The following SPATA18 variants were observed in gnomAD, a reference collection of about 807,000 sequenced individuals.
SPATA18 encodes the protein mitochondria-eating protein.
In SPATA18, 54 loss-of-function variants were observed where a neutral mutation model predicts 68.1. The observed-to-expected ratio is 0.79, with a 90% CI of 0.64 to 0.99. The LOEUF (loss-of-function observed/expected upper bound fraction) is 0.99. SPATA18 is among the 50% of genes least tolerant of loss of function. The pLI is 0.00. For synonymous variants in SPATA18, 242 were observed against 244.8 expected, an observed-to-expected ratio of 0.99 and a Z score of 0.11; for missense variants, 724 against 681.1, an observed-to-expected ratio of 1.06 and a Z score of -0.70.
At position 52,095,394 on chromosome 4, in the gene SPATA18, G is replaced by T. The variant is rs529065628; in HGVS notation, c.*507G>T. 6.4e-6 allele frequency: 1 copy of T among 155,278 alleles called. No individual in the cohort carries two copies. Among genetic ancestry groups the T allele is most frequent in the East Asian group, 1.9e-4 (1 of 5,270 alleles). The allele number at this position is 155,278 out of a possible 1,614,324, so 9.6% of individuals were successfully genotyped here. On this transcript the variant is annotated 3_prime_UTR_variant, in exon 13 of 13. Transcript: ENST00000295213. The stretch of plus-strand genomic sequence containing the variant: ...GACAGCCCTAATCTCAGGTTGGGGA[G>T]CTCATGTTAGTAGCAGTGACTTAAG...
intron 11 of SPATA18, among the ~76,000 whole-genome samples, chr4:52,088,689 T>G (rs61796825): frequency 0.18 from 26,627 of 152,146 alleles, 2,640 homozygotes; most frequent in East Asian, 0.4. Context: ...TTTGCCAGTA[T>G]TTTATTGAGG....
chr4:52,078,581 A>G, intron 7 of SPATA18, 154 bp from the exon 8 acceptor site: 2 of 569,632 alleles, frequency 3.5e-6, no homozygotes, highest in Non-Finnish European at 5.9e-6. Flanking sequence ...TTAGAGATGT[A>G]TTTTCTTCCA....
At chr4:52,057,753 A>G (rs1385899116) in intron 1 of SPATA18, among the ~76,000 whole-genome samples, 1 of 152,224 alleles carries the variant, frequency 6.6e-6, no homozygotes, top group Non-Finnish European at 1.5e-5. Context: ...TTCCTAAGCC[A>G]CTGGCTCCTT....
At chr4:52,054,959 G>A (rs1195859924) in intron 1 of SPATA18, among the ~76,000 whole-genome samples, 5 of 151,410 alleles carry the variant, frequency 3.3e-5, no homozygotes, top group African/African-American at 1.2e-4. Context: ...ATGACCTTAG[G>A]TCTTTATCTT....
At chr4:52,082,252 C>A (rs1740991778) in intron 9 of SPATA18, 135 bp from the exon 10 acceptor site, 1 of 833,148 alleles carries the variant, frequency 1.2e-6, no homozygotes, top group Non-Finnish European at 1.9e-6. Context: ...CACAAAGATT[C>A]TTAAATAACA....
intron 6 of SPATA18, among the ~76,000 whole-genome samples, chr4:52,074,639 CA>C (rs1740163568): frequency 6.6e-6 from 1 of 152,084 alleles, no homozygotes; most frequent in African/African-American, 2.4e-5. Context: ...TAAAAATGGG[CA>C]GTGATTAGAC....
At chr4:52,074,758 C>A (rs1223436734) in intron 6 of SPATA18, among the ~76,000 whole-genome samples, 1 of 152,108 alleles carries the variant, frequency 6.6e-6, no homozygotes, top group African/African-American at 2.4e-5. Context: ...TAAAGAAGTT[C>A]CAATGATATT....
In SPATA18 at chr4:52,072,102, A is replaced by G. The variant is rs1178265062; in HGVS notation, c.704A>G (p.Asn235Ser). The change falls in exon 6 of 13, where the codon AAC becomes AGC. Residue 235 changes from asparagine (N) to serine (S), a missense_variant. Physicochemically the swap from Asn to Ser is conservative, Grantham distance 46 (BLOSUM62 1). Coordinates refer to ENST00000295213, the MANE Select transcript of SPATA18 (RefSeq NM_145263.4). The stretch of plus-strand genomic sequence containing the variant: ...TCCGATTATAAGAAACAGCTCCGAA[A>G]CCTGAAGGAGGAGATAGCTGTTCTG... ...AMSDYKKQLR[N>S]LKEEIAVLSA... 6.2e-7 allele frequency: 1 copy of G among 1,614,060 alleles called. No individual in the cohort carries two copies. The highest frequency in any genetic ancestry group is 1.7e-5 in the Admixed American group (1 of 60,002).
chr4:52,065,957 G>A (rs187435091), intron 4 of SPATA18, among the ~76,000 whole-genome samples: 9 of 152,002 alleles, frequency 5.9e-5, no homozygotes, highest in East Asian at 3.9e-4. Context: ...TGAATCTATC[G>A]CCTAAACTTT....
intron 8 of SPATA18, among the ~76,000 whole-genome samples, chr4:52,079,540 T>C (rs1740733677): frequency 6.6e-6 from 1 of 152,338 alleles, no homozygotes; most frequent in Middle Eastern, 3.4e-3. Flanking sequence ...TACTGTGTCA[T>C]TTCTACTCTG....
rs1244426647 is a variant in SPATA18, at chr4:52,084,903, T to C, written c.1480-13T>C. Reference sequence around the variant, plus strand: ...TCCTGACTATGTCTCTCTCTTTCTCTCTCTTTTTTAAGTGGAATTCGGTGC... The same window carrying C: ...TCCTGACTATGTCTCTCTCTTTCTCCCTCTTTTTTAAGTGGAATTCGGTGC... On this transcript the variant is annotated splice_polypyrimidine_tract_variant and intron_variant, in intron 10 of 12. Coordinates refer to ENST00000295213, the MANE Select transcript of SPATA18 (RefSeq NM_145263.4). The C allele has an allele frequency of 2.5e-6, 4 of 1,613,618 alleles. No homozygotes were observed. Among genetic ancestry groups the C allele is most frequent in the Non-Finnish European group, 3.4e-6 (4 of 1,179,672 alleles).
intron 12 of SPATA18, 37 bp from the exon 13 acceptor site, chr4:52,094,843 G>A (rs375280568): frequency 3.8e-5 from 62 of 1,613,482 alleles, no homozygotes; most frequent in African/African-American, 9.3e-5. Context: ...ATCGAAGAAA[G>A]TGACCATAAT....
At chr4:52,075,352 C>A (rs1487736895) in intron 6 of SPATA18, among the ~76,000 whole-genome samples, 1 of 152,126 alleles carries the variant, frequency 6.6e-6, no homozygotes, top group Non-Finnish European at 1.5e-5. Flanking sequence ...TAGTGTGGTG[C>A]TGGCATTTTT....
intron 4 of SPATA18, among the ~76,000 whole-genome samples, chr4:52,064,166 A>T (rs1739126393): frequency 6.9e-6 from 1 of 144,360 alleles, no homozygotes; most frequent in South Asian, 2.2e-4. Context: ...TTTATCACGT[A>T]TGTGTTCCTT....
intron 11 of SPATA18, among the ~76,000 whole-genome samples, chr4:52,088,468 A>G (rs968833924): frequency 1.3e-5 from 2 of 152,184 alleles, no homozygotes; most frequent in Non-Finnish European, 2.9e-5. Context: ...TAGTTTATTG[A>G]GAGTTTTTTA....
chr4:52,067,014 C>A (rs1346141580), intron 4 of SPATA18, among the ~76,000 whole-genome samples: 1 of 152,112 alleles, frequency 6.6e-6, no homozygotes, highest in Non-Finnish European at 1.5e-5. Flanking sequence ...TGGGTATATA[C>A]CCAGTAATGG....
At chr4:52,078,093 A>G (rs1024967080) in intron 7 of SPATA18, among the ~76,000 whole-genome samples, 3 of 89,560 alleles carry the variant, frequency 3.3e-5, no homozygotes, top group African/African-American at 1.1e-4. Flanking sequence ...ATGTTTTTAG[A>G]TTTTTAAAGG....
At chr4:52,080,561 C>T (rs1236965492) in intron 9 of SPATA18, among the ~76,000 whole-genome samples, 1 of 152,154 alleles carries the variant, frequency 6.6e-6, no homozygotes, top group African/African-American at 2.4e-5. Context: ...TGGAGATTAT[C>T]TGGGAAGAAA....
At chr4:52,071,860 T>C in intron 5 of SPATA18, 57 bp from the exon 6 acceptor site, 1 of 1,557,232 alleles carries the variant, frequency 6.4e-7, no homozygotes, top group African/African-American at 1.4e-5. Context: ...CCTTCCTTCC[T>C]TCACTCCCTC....
Sources: allele counts gnomAD v4.1 joint callset (sites outside exome capture counted in the v4.1 genomes callset), GRCh38; gene constraint gnomAD v4.1.1; transcripts MANE v1.5; gene names NCBI Gene and HGNC (gene_info 2026-07-23, HGNC 2026-07-21).